The following SKOR2 variants were observed in gnomAD, a reference collection of about 807,000 sequenced individuals.
The protein encoded by SKOR2 is LBX1 corepressor 1-like protein.
SKOR2 carries 47 observed loss-of-function variants against 69.1 expected under a neutral mutation model. The observed-to-expected ratio is 0.68, with a 90% CI of 0.54 to 0.87. The LOEUF is 0.87. Ranked by LOEUF, SKOR2 falls within the 40% of genes least tolerant of loss-of-function variation. The pLI is 0.00. For synonymous variants in SKOR2, 717 were observed against 672.6 expected, an observed-to-expected ratio of 1.07 and a Z score of -1.02; for missense variants, 1,404 against 1,472.2, an observed-to-expected ratio of 0.95 and a Z score of 0.76.
chr18:47,231,861 C>CAACTTAAA (rs982980839), intron 4 of SKOR2, among the ~76,000 whole-genome samples: 2 of 126,636 alleles, frequency 1.6e-5, no homozygotes, highest in African/African-American at 5.9e-5. Flanking sequence ...AAAAAAAAAT[C>CAACTTAAA]AACTTAAAGC....
At chr18:47,240,415 A>T (rs2064243726) in intron 4 of SKOR2, among the ~76,000 whole-genome samples, 1 of 152,212 alleles carries the variant, frequency 6.6e-6, no homozygotes. Flanking sequence ...TTGAGTAGGT[A>T]ATATTTTGAT....
Position 47,230,492 on chromosome 18 carries a change from C to A in SKOR2, c.2884G>T (p.Val962Leu). ...LRRRLEQEFQ[V>L]LKGNTSFPVF... is the part of the protein sequence containing the mutation. Reference sequence around the variant, plus strand: ...GGGAAAGATGTGTTTCCTTTTAACACCTGGAATTCTTGTTCCAGTCGTCTC... The same window carrying A: ...GGGAAAGATGTGTTTCCTTTTAACAACTGGAATTCTTGTTCCAGTCGTCTC... The change falls in exon 6 of 9, where the codon GTG becomes TTG. Residue 962 changes from valine to leucine, a missense_variant. Transcript: ENST00000425639. 9 of 1,452,746 alleles carry A rather than the reference C, an allele frequency of 6.2e-6. No individual in the cohort carries two copies. Among genetic ancestry groups the A allele is most frequent in the Non-Finnish European group, 8.1e-6 (9 of 1,110,116 alleles). 90.0% of individuals were successfully genotyped at this position (1,452,746 alleles called of 1,614,324 possible). A position where few individuals can be genotyped will look rare whatever the true frequency, so the allele number is the denominator to read the frequency against.
Position 47,249,050 on chromosome 18 carries a change from A to T in SKOR2, c.134T>A (p.Ile45Asn), listed in dbSNP as rs527623475. The T allele has an allele frequency of 9.1e-6, 14 of 1,537,932 alleles. No individual in the cohort carries two copies. The South Asian group carries it at 1.5e-4, about 17-fold the overall frequency. Reference sequence around the variant, plus strand: ...CGACACGATGGGAATGCCGTAGAGGATCACCTGGCCCACCTGGTTGGGTTT... The same window carrying T: ...CGACACGATGGGAATGCCGTAGAGGTTCACCTGGCCCACCTGGTTGGGTTT... The part of the protein sequence containing the change: ...NLKPNQVGQV[I>N]LYGIPIVSLV... The change falls in exon 2 of 9, where the codon ATC (isoleucine) becomes AAC (asparagine). Residue 45 changes from isoleucine to asparagine, a missense_variant. By Grantham distance (149) the Ile-to-Asn change is moderately radical. Coordinates refer to ENST00000425639, the MANE Select transcript of SKOR2 (RefSeq NM_001278063.4).
At chr18:47,209,593 A>T (rs1023469881) in intron 8 of SKOR2, among the ~76,000 whole-genome samples, 1 of 152,188 alleles carries the variant, frequency 6.6e-6, no homozygotes, top group Non-Finnish European at 1.5e-5. Context: ...CAAAATCAGC[A>T]TGGAGGAAGC....
chr18:47,235,719 C>T (rs1345183098), intron 4 of SKOR2, among the ~76,000 whole-genome samples: 1 of 128,312 alleles, frequency 7.8e-6, no homozygotes, highest in Non-Finnish European at 1.5e-5. Context: ...CATGCTGAAG[C>T]AGATATGAGC....
Position 47,249,029 on chromosome 18 carries a change from A to C in SKOR2, c.155T>G (p.Val52Gly). The stretch of plus-strand genomic sequence containing the variant: ...CTCTTGCCCGTCGATCACCAACGAC[A>C]CGATGGGAATGCCGTAGAGGATCAC... ...GQVILYGIPIVSLVIDGQERL... is the reference protein window; with the variant it reads ...GQVILYGIPIGSLVIDGQERL... Residue 52 changes from valine (V) to glycine (G), a missense_variant, in exon 2 of 9, where the codon GTG (valine) becomes GGG (glycine). Val to Gly is a moderately radical substitution (Grantham distance 109, BLOSUM62 -3). Around this residue, in one of 3 missense-constraint regions of SKOR2, gnomAD observed 104 missense variants for 95.7 expected, o/e 1.09. Coordinates refer to ENST00000425639, the MANE Select transcript of SKOR2 (RefSeq NM_001278063.4). The C allele has an allele frequency of 6.5e-7, 1 of 1,541,436 alleles. No individual in the cohort carries two copies. The highest frequency in any genetic ancestry group is 8.7e-7 in the Non-Finnish European group (1 of 1,149,342).
rs568565349 is a variant in SKOR2, at chr18:47,247,178, G to GGGTGGT, written c.2000_2005dup (p.His667_His668dup). The GGGTGGT allele has an allele frequency of 4.1e-5, 52 of 1,279,064 alleles. No homozygotes were observed. In the African/African-American group the frequency reaches 5.2e-4, roughly 13 times the overall value. The allele number at this position is 1,279,064 out of a possible 1,614,324, so 79.2% of individuals were successfully genotyped here. On this transcript the variant is annotated inframe_insertion, in exon 2 of 9. Transcript: ENST00000425639. This position sits in a 1 kb window ranked among gnomAD's most constrained non-coding sequence, Gnocchi z 6.6. ...CAGAAGCGGCGACGGCGGCTGCGGG[G>GGGTGGT]GGTGGTGGTGGTGGTGGTGGTGGTG...
At chr18:47,235,045 T>A (rs1189061650) in intron 4 of SKOR2, among the ~76,000 whole-genome samples, 1 of 151,818 alleles carries the variant, frequency 6.6e-6, no homozygotes, top group African/African-American at 2.4e-5. Context: ...GCATAAAACG[T>A]CTCCTGTGGA....
At chr18:47,237,719 A>G (rs1238893161) in intron 4 of SKOR2, among the ~76,000 whole-genome samples, 1 of 140,126 alleles carries the variant, frequency 7.1e-6, no homozygotes, top group Non-Finnish European at 1.5e-5. Flanking sequence ...TTTTTTTGAG[A>G]CAGGGTCTTG....
rs1449786699 is a variant in SKOR2 at position 47,230,926 on chromosome 18, T to G, written c.2818+9A>C. On this transcript the variant is annotated intron_variant, in intron 5 of 8. Coordinates refer to ENST00000425639, the MANE Select transcript of SKOR2 (RefSeq NM_001278063.4). ...AGAGAAGTTCTACAGAATTGAAACT[T>G]TCATTTACCTTTCCCCATATTTTCT... The G allele has an allele frequency of 1.3e-6, 2 of 1,535,254 alleles. No homozygotes were observed. The highest frequency in any genetic ancestry group is 1.7e-6 in the Non-Finnish European group (2 of 1,146,416).
intron 4 of SKOR2, among the ~76,000 whole-genome samples, chr18:47,231,783 C>T (rs550130281): frequency 2.7e-5 from 4 of 149,730 alleles, no homozygotes; most frequent in Admixed American, 1.3e-4. Context: ...GCGGAGGTTG[C>T]GGTGAGCTGA....
chr18:47,217,242 A>T (rs2064146726), intron 7 of SKOR2, among the ~76,000 whole-genome samples: 1 of 152,214 alleles, frequency 6.6e-6, no homozygotes, highest in Non-Finnish European at 1.5e-5. Context: ...TTGATTACTC[A>T]CATTGGCATA....
intron 6 of SKOR2, among the ~76,000 whole-genome samples, chr18:47,221,129 G>C (rs1005413957): frequency 2.6e-5 from 4 of 152,064 alleles, no homozygotes; most frequent in Non-Finnish European, 5.9e-5. Flanking sequence ...GAGACTCTGG[G>C]TACTTAGAGA....
At chr18:47,241,228 T>A (rs1180160826) in intron 4 of SKOR2, among the ~76,000 whole-genome samples, 1 of 152,160 alleles carries the variant, frequency 6.6e-6, no homozygotes, top group Non-Finnish European at 1.5e-5. Context: ...AATAAACAAA[T>A]GAATGCTATC....
rs2064278462 is a variant in SKOR2 at position 47,247,005 on chromosome 18, G to C, written c.2179C>G (p.Pro727Ala). The change falls in exon 2 of 9, where the codon CCC becomes GCC. Residue 727 changes from proline (P) to alanine (A), a missense_variant. By Grantham distance (27) the Pro-to-Ala change is conservative (BLOSUM62 -1). Around this residue, in one of 3 missense-constraint regions of SKOR2, gnomAD observed 1,266 missense variants for 1,309.9 expected, o/e 0.97. Coordinates refer to ENST00000425639, the MANE Select transcript of SKOR2 (RefSeq NM_001278063.4). This position sits in a 1 kb window ranked among gnomAD's most constrained non-coding sequence, Gnocchi z 6.6. ...LSPGGTSCCY[P>A]SEDSSEDEDD... ...TCGTCCTCGGAGCTGTCCTCGCTGG[G>C]GTAGCAGCAGCTGGTTCCCCCGGGA... 1 of 1,496,582 alleles carries C rather than the reference G, an allele frequency of 6.7e-7. No homozygotes were observed. The highest frequency in any genetic ancestry group is 8.9e-7 in the Non-Finnish European group (1 of 1,129,308). The allele number at this position is 1,496,582 out of a possible 1,614,324, so 92.7% of individuals were successfully genotyped here.
intron 4 of SKOR2, among the ~76,000 whole-genome samples, chr18:47,236,671 G>A (rs2064224978): frequency 6.6e-6 from 1 of 152,160 alleles, no homozygotes; most frequent in Non-Finnish European, 1.5e-5. Flanking sequence ...ACCAGGAAGA[G>A]AGCTCCCTCA....
intron 8 of SKOR2, 68 bp downstream of exon 8, chr18:47,212,018 T>C (rs1244600784): frequency 2.5e-6 from 3 of 1,218,062 alleles, no homozygotes; most frequent in African/African-American, 1.6e-5. Flanking sequence ...AACACATCAA[T>C]AAAGAATATG....
chr18:47,251,215 C>A (rs941097223), intron 1 of SKOR2, among the ~76,000 whole-genome samples, 159 bp downstream of exon 1: 1 of 151,742 alleles, frequency 6.6e-6, no homozygotes, highest in Admixed American at 6.6e-5. Flanking sequence ...CAGCCAAAGA[C>A]CCCCCCACCC....
chr18:47,231,037 G>A lies in SKOR2; in HGVS notation c.2753-37C>T. On this transcript the variant is annotated intron_variant, in intron 4 of 8. Coordinates refer to ENST00000425639, the MANE Select transcript of SKOR2 (RefSeq NM_001278063.4). ...GCAGGAAAAATACTATTAGTTTTGTGTAGGCTAGTTCTGTAAGTTTTCCTT... is the reference window on the plus strand; with the variant it reads ...GCAGGAAAAATACTATTAGTTTTGTATAGGCTAGTTCTGTAAGTTTTCCTT... The A allele has an allele frequency of 2.6e-6, 4 of 1,535,118 alleles. No homozygotes were observed. In the South Asian group the frequency reaches 3.6e-5, roughly 14 times the overall value.
Sources: gnomAD v4.1 joint callset for allele counts (sites outside exome capture counted in the v4.1 genomes callset) on GRCh38, gnomAD v4.1.1 for gene constraint, gnomAD v4.1.1 regional missense constraint, Gnocchi (gnomAD v3.1) non-coding constraint, MANE v1.5 for transcripts, NCBI Gene and HGNC (gene_info 2026-07-23, HGNC 2026-07-21) for gene names.